AFF1: variants seen among roughly 807,000 people sequenced by gnomAD.
AFF1 encodes the protein ALF transcription elongation factor 1.
A neutral mutation model predicts 121.7 loss-of-function variants in AFF1; 48 were observed. That is an observed-to-expected ratio of 0.39 (90% CI 0.31 to 0.50). The LOEUF is 0.50. Ranked by LOEUF, AFF1 falls within the 20% of genes least tolerant of loss-of-function variation. The probability of loss-of-function intolerance (pLI) is 0.76; values close to 1 mark genes in which losing one functional copy is unlikely to be tolerated. For missense variants in AFF1, 1,523 were observed against 1,511.7 expected, an observed-to-expected ratio of 1.01 and a Z score of -0.12; for synonymous variants, 613 against 563.0, an observed-to-expected ratio of 1.09 and a Z score of -1.26.
At chr4:87,020,310 A>C (rs147111047) in intron 2 of AFF1, among the ~76,000 whole-genome samples, 1 of 152,354 alleles carries the variant, frequency 6.6e-6, no homozygotes, top group Admixed American at 6.5e-5. Context: ...CGACCATGTA[A>C]GAAAGAACGT....
intron 2 of AFF1, among the ~76,000 whole-genome samples, chr4:87,001,039 A>G (rs1725671605): frequency 1.3e-5 from 2 of 151,918 alleles, no homozygotes; most frequent in South Asian, 4.2e-4. Flanking sequence ...CAGGCTTGTT[A>G]CCTGGATGTG....
At chr4:87,040,589 A>G (rs1730035437) in intron 2 of AFF1, among the ~76,000 whole-genome samples, 1 of 148,992 alleles carries the variant, frequency 6.7e-6, no homozygotes, top group Non-Finnish European at 1.5e-5. Flanking sequence ...TAATTGAGAC[A>G]GACTTTGACA....
At chr4:86,950,242 G>A (rs1578831947) in intron 2 of AFF1, 1 of 882,986 alleles carries the variant, frequency 1.1e-6, no homozygotes, top group South Asian at 1.4e-5. Context: ...GCAGTGCCAT[G>A]ATCTTGGCTC....
chr4:86,981,116 C>T (rs1253983295), intron 2 of AFF1, among the ~76,000 whole-genome samples: 1 of 151,752 alleles, frequency 6.6e-6, no homozygotes, highest in Admixed American at 6.6e-5. Flanking sequence ...AGGTTCACGC[C>T]ACTCTCCTGC....
chr4:87,081,119 A>T (rs1723119638), intron 4 of AFF1, among the ~76,000 whole-genome samples: 2 of 142,498 alleles, frequency 1.4e-5, no homozygotes, highest in Non-Finnish European at 3.1e-5. Flanking sequence ...AAATCCTCCT[A>T]CTGGCTTTTG....
In AFF1 at chr4:86,998,098, C is replaced by CAAAAAAAAA. The variant is rs56741955; in HGVS notation, c.39-48047_39-48039dup. Among the ~76,000 whole-genome samples, 357 of 91,684 alleles carry CAAAAAAAAA rather than the reference C, an allele frequency of 3.9e-3. 7 individuals are homozygous for CAAAAAAAAA. Among genetic ancestry groups the CAAAAAAAAA allele is most frequent in the East Asian group, 7.6e-3 (23 of 3,040 alleles). The allele number at this position is 91,684 out of a possible 152,430, so 60.1% of individuals were successfully genotyped here. A position where few individuals can be genotyped will look rare whatever the true frequency, so the allele number is the denominator to read the frequency against. On this transcript the variant is annotated intron_variant, in intron 2 of 20. Coordinates refer to ENST00000395146, the MANE Select transcript of AFF1 (RefSeq NM_001166693.3). ...AGGCAATAAGAGCGAAACTCCGTCTCAAAAAAAAAAAAAAAAAAAAAAAAA... is the reference window on the plus strand; with the variant it reads ...AGGCAATAAGAGCGAAACTCCGTCTCAAAAAAAAAAAAAAAAAAAAAAAAAAAAAAAAAA...
At chr4:86,995,938 GT>G (rs1725135431) in intron 2 of AFF1, among the ~76,000 whole-genome samples, 1 of 151,790 alleles carries the variant, frequency 6.6e-6, no homozygotes. Flanking sequence ...CGTCCGGGAT[GT>G]GAGGAGCGTC....
intron 2 of AFF1, among the ~76,000 whole-genome samples, chr4:86,976,018 A>G (rs985279092): frequency 1.3e-5 from 2 of 152,222 alleles, no homozygotes; most frequent in Admixed American, 6.5e-5. Context: ...TGAGTATAGC[A>G]GGCCTACGAG....
intron 4 of AFF1, among the ~76,000 whole-genome samples, chr4:87,058,127 G>A (rs1720343016): frequency 6.6e-6 from 1 of 152,152 alleles, no homozygotes; most frequent in Admixed American, 6.6e-5. Flanking sequence ...CAGTTGGCAG[G>A]AGTCACCATT....
At chr4:87,125,272 T>C (rs1222503528) in intron 13 of AFF1, 129 bp downstream of exon 13, 7 of 557,714 alleles carry the variant, frequency 1.3e-5, no homozygotes, top group Non-Finnish European at 2.0e-5. Context: ...TTGGACAATG[T>C]AATAAGTTTG....
At chr4:87,049,690 T>C in intron 4 of AFF1, 1 of 456,212 alleles carries the variant, frequency 2.2e-6, no homozygotes, top group Non-Finnish European at 4.4e-6. Flanking sequence ...TTCCCTCTGG[T>C]CTCGGCCCGA....
rs553953277 is a variant in AFF1, at chr4:86,983,782, A to T, written c.38+35211A>T. 5.9e-5 allele frequency among the ~76,000 whole-genome samples: 9 copies of T among 151,902 alleles called. No homozygotes were observed. The South Asian group carries it at 1.9e-3, about 32-fold the overall frequency. On this transcript the variant is annotated intron_variant, in intron 2 of 20. Coordinates refer to ENST00000395146, the MANE Select transcript of AFF1 (RefSeq NM_001166693.3). ...GCCAGGCGCAGTGGCTCACGCTTGT[A>T]ATCCCAGCACTTTGGGAGGCCGAGG...
intron 4 of AFF1, among the ~76,000 whole-genome samples, chr4:87,076,757 A>G (rs1456405020): frequency 6.6e-6 from 1 of 152,238 alleles, no homozygotes; most frequent in African/African-American, 2.4e-5. Flanking sequence ...CTGGGTATAC[A>G]GATAGATGGG....
chr4:87,115,106 C>A lies in AFF1; in HGVS notation c.2273C>A (p.Pro758Gln). 2 of 1,614,146 alleles carry A rather than the reference C, an allele frequency of 1.2e-6. No homozygotes were observed. The highest frequency in any genetic ancestry group is 4.5e-5 in the East Asian group (2 of 44,864). ...LPLRDTKLLS[P>Q]LRDTPPPQSL... ...TTGAGAGACACCAAGCTGCTCTCAC[C>A]GCTCAGGGACACTCCTCCCCCACAA... Residue 758 changes from proline (P) to glutamine (Q), a missense_variant, in exon 12 of 21, where the codon CCG becomes CAG. Around this residue, in one of 5 missense-constraint regions of AFF1, gnomAD observed 905 missense variants for 842.5 expected, o/e 1.07. Transcript: ENST00000395146.
At chr4:87,035,087 T>G (rs1384170071) in intron 2 of AFF1, among the ~76,000 whole-genome samples, 1 of 152,060 alleles carries the variant, frequency 6.6e-6, no homozygotes, top group East Asian at 1.9e-4. Flanking sequence ...ATCCCAGAAA[T>G]GGAGGCAGGG....
intron 2 of AFF1, among the ~76,000 whole-genome samples, chr4:86,953,178 ACCT>A (rs1191705789): frequency 2.0e-5 from 3 of 151,850 alleles, no homozygotes; most frequent in Non-Finnish European, 2.9e-5. Flanking sequence ...CTAGCTCCTC[ACCT>A]CCTCAATATG....
At chr4:87,088,354 C>A (rs1723944201) in intron 5 of AFF1, among the ~76,000 whole-genome samples, 1 of 152,226 alleles carries the variant, frequency 6.6e-6, no homozygotes, top group African/African-American at 2.4e-5. Context: ...TCGCTGCTGT[C>A]TCTCCTGAGG....
At chr4:86,958,943 C>T (rs1721950846) in intron 2 of AFF1, among the ~76,000 whole-genome samples, 1 of 152,138 alleles carries the variant, frequency 6.6e-6, no homozygotes, top group Non-Finnish European at 1.5e-5. Flanking sequence ...TAACTTGTTT[C>T]GATATAGCAG....
Position 86,964,185 on chromosome 4 carries a change from G to A in AFF1, c.38+15614G>A, listed in dbSNP as rs1437924443. 2.0e-5 allele frequency among the ~76,000 whole-genome samples: 3 copies of A among 148,936 alleles called. No individual in the cohort carries two copies. The East Asian group carries it at 6.0e-4, about 30-fold the overall frequency. On this transcript the variant is annotated intron_variant, in intron 2 of 20. Coordinates refer to ENST00000395146, the MANE Select transcript of AFF1 (RefSeq NM_001166693.3). ...CGTCACCAGGCTAGGGTGCAATGGTGTGATCTTGGCTCACTGCAATCTCTG... is the reference window on the plus strand; with the variant it reads ...CGTCACCAGGCTAGGGTGCAATGGTATGATCTTGGCTCACTGCAATCTCTG...
Sources: gnomAD v4.1 joint callset for allele counts (sites outside exome capture counted in the v4.1 genomes callset) on GRCh38, gnomAD v4.1.1 for gene constraint, gnomAD v4.1.1 regional missense constraint, MANE v1.5 for transcripts, NCBI Gene and HGNC (gene_info 2026-07-23, HGNC 2026-07-21) for gene names.